The following PACSIN2 variants were observed in gnomAD, a reference collection of about 807,000 sequenced individuals.
PACSIN2 encodes protein kinase C and casein kinase substrate in neurons protein 2.
PACSIN2 carries 25 observed loss-of-function variants against 63.8 expected under a neutral mutation model. That is an observed-to-expected ratio of 0.39 (90% CI 0.29 to 0.55). The LOEUF is 0.55. Among genes scored for constraint, PACSIN2 ranks in the 20% least tolerant of loss-of-function variants. PACSIN2 has a pLI of 0.62. For synonymous variants in PACSIN2, 255 were observed against 256.2 expected, an observed-to-expected ratio of 1.00 and a Z score of 0.05; for missense variants, 518 against 646.9, an observed-to-expected ratio of 0.80 and a Z score of 2.16.
intron 5 of PACSIN2, among the ~76,000 whole-genome samples, chr22:42,885,648 G>A (rs993437637): frequency 6.6e-6 from 1 of 152,048 alleles, no homozygotes; most frequent in Admixed American, 6.5e-5. Flanking sequence ...AGAGCCCTGG[G>A]AGACTCTGCT....
chr22:42,882,165 G>A lies in PACSIN2; in HGVS notation c.906+19C>T, dbSNP rs374486852. 2.0e-5 allele frequency: 32 copies of A among 1,613,556 alleles called. No individual in the cohort carries two copies. In the African/African-American group the frequency reaches 4.3e-4, roughly 22 times the overall value. On this transcript the variant is annotated intron_variant, in intron 7 of 10. Coordinates refer to ENST00000263246, the MANE Select transcript of PACSIN2 (RefSeq NM_001184970.3). ...TCCTCTTCCAGGCTGATGAGCTCATGGGCACACCCTCCTCTTACCTCAAAC... is the reference window on the plus strand; with the variant it reads ...TCCTCTTCCAGGCTGATGAGCTCATAGGCACACCCTCCTCTTACCTCAAAC...
intron 1 of PACSIN2, among the ~76,000 whole-genome samples, chr22:42,984,193 A>C (rs1173553086): frequency 6.6e-6 from 1 of 151,812 alleles, no homozygotes; most frequent in Non-Finnish European, 1.5e-5. Flanking sequence ...GCTGGTCTCA[A>C]ACTCCCAAAC....
intron 4 of PACSIN2, 132 bp from the exon 5 acceptor site, chr22:42,888,930 C>G: frequency 1.2e-6 from 1 of 815,948 alleles, no homozygotes; most frequent in Non-Finnish European, 2.0e-6. Context: ...TGTATGTATA[C>G]TATCATAGCA....
intron 2 of PACSIN2, chr22:42,909,569 G>T (rs1050230096): frequency 2.8e-5 from 13 of 471,064 alleles, no homozygotes; most frequent in Non-Finnish European, 4.4e-5. Flanking sequence ...ATACCAGCTG[G>T]AGAGTAATTT....
intron 2 of PACSIN2, among the ~76,000 whole-genome samples, chr22:42,896,616 A>T (rs113490524): frequency 0.024 from 3,654 of 152,254 alleles, 140 homozygotes; most frequent in African/African-American, 0.085. Context: ...TTTTGTGGGG[A>T]CATAAGCTTC....
intron 4 of PACSIN2, among the ~76,000 whole-genome samples, chr22:42,889,398 A>ACACACACACACT (rs778420398): frequency 1.3e-5 from 2 of 151,306 alleles, no homozygotes; most frequent in African/African-American, 4.9e-5. Flanking sequence ...ACACACACAC[A>ACACACACACACT]CTCTTAACAG....
chr22:42,983,250 G>A (rs1047980683), intron 1 of PACSIN2, among the ~76,000 whole-genome samples: 4 of 151,114 alleles, frequency 2.6e-5, no homozygotes, highest in Non-Finnish European at 4.4e-5. Context: ...CCAGGAGGTG[G>A]AGGCTGCAGT....
At chr22:42,919,789 AAAAAAAAAGAAAG>A (rs2091967174) in intron 1 of PACSIN2, among the ~76,000 whole-genome samples, 3 of 142,100 alleles carry the variant, frequency 2.1e-5, no homozygotes, top group Non-Finnish European at 3.0e-5. Flanking sequence ...AAAAAAAAAA[AAAAAAAAAGAAAG>A]AAAGAAAGAA....
intron 5 of PACSIN2, among the ~76,000 whole-genome samples, chr22:42,885,820 T>A (rs2034569626): frequency 6.6e-6 from 1 of 152,146 alleles, no homozygotes; most frequent in Non-Finnish European, 1.5e-5. Context: ...GCTTGGGTCC[T>A]CTGTGCCAGG....
At chr22:42,937,485 C>T (rs1412949398) in intron 1 of PACSIN2, among the ~76,000 whole-genome samples, 2 of 152,116 alleles carry the variant, frequency 1.3e-5, no homozygotes, top group East Asian at 1.9e-4. Context: ...AACTTCTAGC[C>T]CCACCACCAA....
At chr22:43,006,692 A>G (rs750819797) in intron 1 of PACSIN2, among the ~76,000 whole-genome samples, 13 of 152,046 alleles carry the variant, frequency 8.6e-5, no homozygotes, top group Non-Finnish European at 1.5e-4. Context: ...GCGCATGCCT[A>G]TAATCCCAGC....
chr22:42,913,895 C>A (rs1224904508), intron 1 of PACSIN2, among the ~76,000 whole-genome samples: 1 of 152,170 alleles, frequency 6.6e-6, no homozygotes, highest in Admixed American at 6.5e-5. Context: ...CTTCCTACAA[C>A]CTAAAATTGG....
intron 1 of PACSIN2, among the ~76,000 whole-genome samples, chr22:43,000,356 C>T (rs902710508): frequency 1.3e-5 from 2 of 152,204 alleles, no homozygotes; most frequent in African/African-American, 4.8e-5. Context: ...GAGAACTCCC[C>T]TCTCCCACCT....
chr22:43,002,987 T>C (rs568145021), intron 1 of PACSIN2, among the ~76,000 whole-genome samples: 1 of 152,220 alleles, frequency 6.6e-6, no homozygotes, highest in African/African-American at 2.4e-5. Flanking sequence ...ATCTCTCCCA[T>C]CTACAAACTG....
chr22:42,975,656 TA>T (rs35638247), intron 1 of PACSIN2, among the ~76,000 whole-genome samples: 2,462 of 136,710 alleles, frequency 0.018, 76 homozygotes, highest in African/African-American at 0.06. Flanking sequence ...CAATATTCTT[TA>T]AAAAAAAAAA....
chr22:42,876,820 T>C (rs1191310264), intron 9 of PACSIN2, 68 bp downstream of exon 9: 6 of 1,574,722 alleles, frequency 3.8e-6, no homozygotes, highest in Non-Finnish European at 5.2e-6. Context: ...GTGAGACCCC[T>C]GGACAGAGAG....
rs199798313 is a variant in PACSIN2, at chr22:42,871,935, C to T, written c.1349-466G>A. On this transcript the variant is annotated intron_variant, in intron 10 of 10. Coordinates refer to ENST00000263246, the MANE Select transcript of PACSIN2 (RefSeq NM_001184970.3). This position sits in a 1 kb window ranked among gnomAD's most constrained non-coding sequence, Gnocchi z 5.4. The stretch of plus-strand genomic sequence containing the variant: ...CCTCTCCTCTGCAACTTCCAGGCTG[C>T]GAGGGGAAGGGACCATGTCTGACAG... Among the ~76,000 whole-genome samples the T allele has an allele frequency of 2.0e-5, 3 of 151,858 alleles. No homozygotes were observed. Among genetic ancestry groups the T allele is most frequent in the African/African-American group, 2.4e-5 (1 of 41,416 alleles).
chr22:42,999,002 A>G (rs80149927), intron 1 of PACSIN2, among the ~76,000 whole-genome samples: 3,911 of 152,248 alleles, frequency 0.026, 169 homozygotes, highest in African/African-American at 0.091. Context: ...CCATCACTCA[A>G]TAAAATCCCG....
At chr22:43,003,365 G>A (rs575346653) in intron 1 of PACSIN2, among the ~76,000 whole-genome samples, 9 of 152,254 alleles carry the variant, frequency 5.9e-5, no homozygotes, top group African/African-American at 1.9e-4. Context: ...CCAGCACTTC[G>A]GGAGGCCAAG....
Sources: gnomAD v4.1 joint callset for allele counts (sites outside exome capture counted in the v4.1 genomes callset) on GRCh38, gnomAD v4.1.1 for gene constraint, Gnocchi (gnomAD v3.1) non-coding constraint, MANE v1.5 for transcripts, NCBI Gene and HGNC (gene_info 2026-07-23, HGNC 2026-07-21) for gene names.